Variants in SMYD3 observed in about 807,000 individuals in gnomAD.
SMYD3 encodes the protein histone-lysine N-methyltransferase SMYD3.
SMYD3 carries 36 observed loss-of-function variants against 57.7 expected under a neutral mutation model. The observed-to-expected ratio is 0.62, with a 90% CI of 0.48 to 0.82. SMYD3 has a LOEUF of 0.82. SMYD3 is among the 40% of genes least tolerant of loss of function. The pLI, the probability that SMYD3 is intolerant of heterozygous loss-of-function variation, is 0.00. For missense variants in SMYD3, 515 were observed against 538.8 expected (o/e 0.96, Z 0.44); for synonymous variants, 211 against 195.0 (o/e 1.08, Z -0.68).
At chr1:246,238,365 G>C (rs900323632) in intron 5 of SMYD3, among the ~76,000 whole-genome samples, 15 of 152,018 alleles carry the variant, frequency 9.9e-5, no homozygotes, top group African/African-American at 3.4e-4. Flanking sequence ...TTTACTTCTT[G>C]ACTTTTGTTA....
At chr1:246,473,561 G>A (rs934497904) in intron 1 of SMYD3, among the ~76,000 whole-genome samples, 1 of 152,170 alleles carries the variant, frequency 6.6e-6, no homozygotes, top group African/African-American at 2.4e-5. Flanking sequence ...AATAGGCCTT[G>A]TTGGGTTTCA....
intron 2 of SMYD3, among the ~76,000 whole-genome samples, chr1:246,336,257 T>C (rs2148673767): frequency 6.6e-6 from 1 of 152,324 alleles, no homozygotes; most frequent in African/African-American, 2.4e-5. Flanking sequence ...CGACGGCTCC[T>C]TTCACACGGA....
At position 245,889,749 on chromosome 1, in the gene SMYD3, A is replaced by C. The variant is rs555534651; in HGVS notation, c.813+25781T>G. Among the ~76,000 whole-genome samples, 15 of 152,350 alleles carry C rather than the reference A, an allele frequency of 9.8e-5. No individual in the cohort carries two copies. In the East Asian group the frequency reaches 2.7e-3, roughly 27 times the overall value. On this transcript the variant is annotated intron_variant, in intron 8 of 11. Coordinates refer to ENST00000490107, the MANE Select transcript of SMYD3 (RefSeq NM_001167740.2). The stretch of plus-strand genomic sequence containing the variant: ...AACAGAAAAACTAATCCCCAAATTT[A>C]TATGGAACCACAAAAGGTCCAGAAT...
At chr1:245,760,042 G>A (rs4654082) in intron 11 of SMYD3, among the ~76,000 whole-genome samples, 4,490 of 152,288 alleles carry the variant, frequency 0.029, 188 homozygotes, top group Admixed American at 0.11. Context: ...GGGAAGCACT[G>A]GGAAGGGACC....
chr1:245,798,424 C>CACACA (rs1222464601), intron 10 of SMYD3, among the ~76,000 whole-genome samples: 2 of 5,678 alleles, frequency 3.5e-4, no homozygotes, highest in Admixed American at 3.0e-3. Flanking sequence ...ACATACACAC[C>CACACA]CCCACACACA....
chr1:246,064,394 A>C (rs578121228), intron 5 of SMYD3, among the ~76,000 whole-genome samples: 2 of 152,264 alleles, frequency 1.3e-5, no homozygotes, highest in South Asian at 4.2e-4. Flanking sequence ...AAAGCATGGC[A>C]CTTTCTTACC....
At chr1:246,456,708 G>A (rs2067704775) in intron 1 of SMYD3, among the ~76,000 whole-genome samples, 1 of 152,164 alleles carries the variant, frequency 6.6e-6, no homozygotes, top group Admixed American at 6.5e-5. Flanking sequence ...ACCCACAAAT[G>A]AGTGGGACCA....
intron 1 of SMYD3, among the ~76,000 whole-genome samples, chr1:246,399,276 G>A (rs1436280093): frequency 2.0e-5 from 3 of 151,882 alleles, no homozygotes; most frequent in African/African-American, 4.8e-5. Context: ...CACCTGCCTC[G>A]GCCTCCCAAA....
chr1:246,171,949 T>C lies in SMYD3; in HGVS notation c.531+155252A>G, dbSNP rs138091839. On this transcript the variant is annotated intron_variant, in intron 5 of 11. Coordinates refer to ENST00000490107, the MANE Select transcript of SMYD3 (RefSeq NM_001167740.2). ...TTGCTTGAGCCCAGGAGTTCGAGGC[T>C]ACAGTGAGCCAAGATCACATCACTG... Among the ~76,000 whole-genome samples the C allele has an allele frequency of 5.9e-5, 9 of 152,316 alleles. 1 individual carries two copies. The highest frequency in any genetic ancestry group is 4.1e-4 in the South Asian group (2 of 4,824).
At chr1:246,412,065 C>T (rs1316183830) in intron 1 of SMYD3, among the ~76,000 whole-genome samples, 2 of 151,970 alleles carry the variant, frequency 1.3e-5, no homozygotes, top group African/African-American at 2.4e-5. Context: ...ACTTGCTTTG[C>T]GTTAACTACC....
At chr1:245,908,583 C>T (rs1002767220) in intron 8 of SMYD3, among the ~76,000 whole-genome samples, 13 of 152,156 alleles carry the variant, frequency 8.5e-5, no homozygotes, top group African/African-American at 2.9e-4. Context: ...TACATTAGTC[C>T]TCTAAACAAG....
intron 5 of SMYD3, among the ~76,000 whole-genome samples, chr1:246,065,791 A>G (rs965727681): frequency 6.6e-6 from 1 of 152,190 alleles, no homozygotes; most frequent in African/African-American, 2.4e-5. Context: ...CAACCTCCTA[A>G]GTAAAACATT....
At chr1:245,833,073 A>ACAAC (rs1553337078) in intron 10 of SMYD3, among the ~76,000 whole-genome samples, 2 of 128,652 alleles carry the variant, frequency 1.6e-5, no homozygotes, top group East Asian at 3.4e-4. Flanking sequence ...AAAAAAAAAA[A>ACAAC]AACCTGCTTT....
intron 7 of SMYD3, among the ~76,000 whole-genome samples, chr1:245,924,007 G>A (rs1188880913): frequency 1.3e-5 from 2 of 152,180 alleles, no homozygotes; most frequent in Admixed American, 1.3e-4. Context: ...ACTGACATTA[G>A]GGATACTAAT....
At chr1:245,759,588 G>A (rs1286642816) in intron 11 of SMYD3, among the ~76,000 whole-genome samples, 1 of 152,224 alleles carries the variant, frequency 6.6e-6, no homozygotes, top group Non-Finnish European at 1.5e-5. Flanking sequence ...CTCTAAATCA[G>A]CCATTGCTGG....
At chr1:245,897,487 C>T (rs2053897152) in intron 8 of SMYD3, among the ~76,000 whole-genome samples, 1 of 152,226 alleles carries the variant, frequency 6.6e-6, no homozygotes, top group Non-Finnish European at 1.5e-5. Flanking sequence ...GATTTGCAGT[C>T]ACTGCTTTCC....
chr1:245,917,442 C>A (rs1246745588), intron 7 of SMYD3, among the ~76,000 whole-genome samples: 3 of 152,226 alleles, frequency 2.0e-5, no homozygotes, highest in Non-Finnish European at 4.4e-5. Context: ...AATGGCTTCA[C>A]ATAATCCCAC....
rs1460166637 is a variant in SMYD3 at position 246,421,805 on chromosome 1, G to A, written c.165-66711C>T. On this transcript the variant is annotated intron_variant, in intron 1 of 11. Coordinates refer to ENST00000490107, the MANE Select transcript of SMYD3 (RefSeq NM_001167740.2). The stretch of plus-strand genomic sequence containing the variant: ...GCAATGTGAGGAACAGAACACACTC[G>A]AAAGCTGGGGGACTGAATCTGAGTC... 4.6e-5 allele frequency among the ~76,000 whole-genome samples: 7 copies of A among 152,314 alleles called. No homozygotes were observed. In the East Asian group the frequency reaches 9.6e-4, roughly 21 times the overall value.
chr1:246,249,794 A>G (rs1290495149), intron 5 of SMYD3, among the ~76,000 whole-genome samples: 2 of 152,210 alleles, frequency 1.3e-5, no homozygotes, highest in Non-Finnish European at 2.9e-5. Context: ...TTTCACTGTA[A>G]TATCTGCTTT....
Sources: allele counts gnomAD v4.1 joint callset (sites outside exome capture counted in the v4.1 genomes callset), GRCh38; gene constraint gnomAD v4.1.1; transcripts MANE v1.5; gene names NCBI Gene and HGNC (gene_info 2026-07-23, HGNC 2026-07-21).